Variants in SEL1L3 observed in about 807,000 individuals in gnomAD.
The protein encoded by SEL1L3 is SEL1L family member 3.
SEL1L3 carries 76 observed loss-of-function variants against 142.8 expected under a neutral mutation model. The observed-to-expected ratio is 0.53, with a 90% CI of 0.44 to 0.64. SEL1L3 has a LOEUF of 0.64. SEL1L3 is among the 30% of genes least tolerant of loss of function. The pLI is 0.00. For synonymous variants in SEL1L3, 504 were observed against 519.6 expected (o/e 0.97, Z 0.41); for missense variants, 1,262 against 1,381.7 (o/e 0.91, Z 1.37).
chr4:25,770,128 TA>T (rs756135920), intron 17 of SEL1L3: 98 of 151,158 alleles, frequency 6.5e-4, no homozygotes, highest in Non-Finnish European at 8.9e-4. Context: ...ATTCTGTCTC[TA>T]AAAAAAAAGA....
intron 1 of SEL1L3, among the ~76,000 whole-genome samples, chr4:25,862,330 T>A: frequency 9.9e-6 from 1 of 100,942 alleles, no homozygotes; most frequent in Admixed American, 1.1e-4. Flanking sequence ...TGCTGGAGAC[T>A]GCGCGCGGCG....
At chr4:25,715,444 G>A in the SEL1L3 span, among the ~76,000 whole-genome samples, 385 of 152,252 alleles carry the variant, frequency 2.5e-3, 3 homozygotes, top group African/African-American at 8.8e-3. Flanking sequence ...ATTGTCCATG[G>A]TAGAGGAAAT....
the SEL1L3 span, among the ~76,000 whole-genome samples, chr4:25,740,573 G>A: frequency 1.1e-4 from 17 of 152,220 alleles, no homozygotes; most frequent in African/African-American, 4.1e-4. Context: ...AAACAGTGCT[G>A]TTTGCATCAC....
At position 25,788,618 on chromosome 4, in the gene SEL1L3, G is replaced by A. The variant is rs1384806482; in HGVS notation, c.2077-254C>T. Among the ~76,000 whole-genome samples the A allele has an allele frequency of 7.9e-6, 1 of 126,054 alleles. No individual in the cohort carries two copies. The highest frequency in any genetic ancestry group is 3.1e-5 in the African/African-American group (1 of 32,336). 82.7% of individuals were successfully genotyped at this position (126,054 alleles called of 152,430 possible). A position where few individuals can be genotyped will look rare whatever the true frequency, so the allele number is the denominator to read the frequency against. On this transcript the variant is annotated intron_variant, in intron 12 of 23. Transcript: ENST00000399878. This position sits in a 1 kb window ranked among gnomAD's most constrained non-coding sequence, Gnocchi z 5.3. ...TGTGTGTGTGTGTGTGTGTGTGTGTGTGTATCTACTGTACCCAGGACCAGG... is the reference window on the plus strand; with the variant it reads ...TGTGTGTGTGTGTGTGTGTGTGTGTATGTATCTACTGTACCCAGGACCAGG...
chr4:25,773,137 AG>A (rs1051604116), intron 17 of SEL1L3, among the ~76,000 whole-genome samples: 2 of 152,236 alleles, frequency 1.3e-5, no homozygotes, highest in Admixed American at 1.3e-4. Context: ...AGTAAAAAAA[AG>A]CAGTTGAAGA....
At position 25,835,234 on chromosome 4, in the gene SEL1L3, GCT is replaced by G. The variant is rs774675897; in HGVS notation, c.821_822del (p.Glu274AlafsTer38). The G allele has an allele frequency of 8.7e-6, 14 of 1,613,882 alleles. No homozygotes were observed. Among genetic ancestry groups the G allele is most frequent in the African/African-American group, 1.3e-5 (1 of 74,918 alleles). On this transcript the variant is annotated frameshift_variant, in exon 3 of 24. Coordinates refer to ENST00000399878, the MANE Select transcript of SEL1L3 (RefSeq NM_015187.5). LOFTEE classifies it high-confidence loss of function. ...ATCCTCTGGCGTCGAGTGGCCTCCAGCTCTCGGTTCCGAAACCTCGGGAACTT... is the reference window on the plus strand; with the variant it reads ...ATCCTCTGGCGTCGAGTGGCCTCCAGCTCGGTTCCGAAACCTCGGGAACTT... ...VKKFPRFRNR[E>X]LEATRRQRMD...
intron 1 of SEL1L3, among the ~76,000 whole-genome samples, chr4:25,859,478 C>A (rs188960408): frequency 2.0e-5 from 3 of 152,296 alleles, no homozygotes; most frequent in Admixed American, 2.0e-4. Context: ...TTACTCCGTC[C>A]CAGCCTATGG....
the SEL1L3 span, among the ~76,000 whole-genome samples, chr4:25,728,288 AT>A: frequency 6.6e-6 from 1 of 152,106 alleles, no homozygotes; most frequent in Admixed American, 6.6e-5. Context: ...TGGTGGCCAC[AT>A]TCTCTGGCTT....
chr4:25,861,038 C>A (rs1191016389), intron 1 of SEL1L3, among the ~76,000 whole-genome samples: 1 of 152,216 alleles, frequency 6.6e-6, no homozygotes, highest in Non-Finnish European at 1.5e-5. Context: ...CAGAAGTAGT[C>A]CCCCTCCTTG....
At chr4:25,731,825 C>T in the SEL1L3 span, among the ~76,000 whole-genome samples, 1 of 152,108 alleles carries the variant, frequency 6.6e-6, no homozygotes, top group Non-Finnish European at 1.5e-5. Context: ...GTAATCCCAG[C>T]CCTTTGGGAG....
intron 2 of SEL1L3, 27 bp downstream of exon 2, chr4:25,847,267 A>T: frequency 6.4e-7 from 1 of 1,558,488 alleles, no homozygotes; most frequent in Non-Finnish European, 8.7e-7. Flanking sequence ...AATGAGAATT[A>T]GGTTCCTAGC....
intron 1 of SEL1L3, among the ~76,000 whole-genome samples, chr4:25,854,301 T>G (rs1717096192): frequency 1.3e-5 from 2 of 152,038 alleles, no homozygotes; most frequent in Non-Finnish European, 2.9e-5. Flanking sequence ...TTTTTGAGAC[T>G]GAGTCTCCCT....
chr4:25,821,698 T>A (rs890356711), intron 7 of SEL1L3, among the ~76,000 whole-genome samples: 3 of 152,268 alleles, frequency 2.0e-5, no homozygotes, highest in Non-Finnish European at 2.9e-5. Flanking sequence ...TCTCCTTTCA[T>A]TAGCTTAATC....
At chr4:25,775,434 CAG>C (rs931370588) in intron 17 of SEL1L3, among the ~76,000 whole-genome samples, 4 of 152,186 alleles carry the variant, frequency 2.6e-5, no homozygotes, top group Non-Finnish European at 5.9e-5. Context: ...AGGTTCAAAT[CAG>C]AGTATGATCA....
intron 15 of SEL1L3, among the ~76,000 whole-genome samples, chr4:25,780,220 T>C (rs1164454437): frequency 1.3e-5 from 2 of 152,032 alleles, no homozygotes; most frequent in South Asian, 2.1e-4. Context: ...TCCAAATACA[T>C]GTAGAACCCA....
intron 5 of SEL1L3, among the ~76,000 whole-genome samples, chr4:25,831,585 G>A (rs1715450391): frequency 6.7e-6 from 1 of 150,014 alleles, no homozygotes; most frequent in Non-Finnish European, 1.5e-5. Flanking sequence ...GAGTGCAGGG[G>A]CGCCATCTTA....
intron 11 of SEL1L3, among the ~76,000 whole-genome samples, chr4:25,798,138 A>G (rs1465107460): frequency 6.6e-6 from 1 of 152,160 alleles, no homozygotes; most frequent in Non-Finnish European, 1.5e-5. Flanking sequence ...AGAACGTCTC[A>G]TACGGCATCC....
At chr4:25,836,051 G>A (rs1715796769) in intron 2 of SEL1L3, among the ~76,000 whole-genome samples, 1 of 151,948 alleles carries the variant, frequency 6.6e-6, no homozygotes. Flanking sequence ...TAAAATTGCA[G>A]TTTTTTTTCT....
At chr4:25,821,463 G>A (rs190864899) in intron 7 of SEL1L3, among the ~76,000 whole-genome samples, 5 of 152,306 alleles carry the variant, frequency 3.3e-5, no homozygotes, top group African/African-American at 1.2e-4. Context: ...AGTTCCATTC[G>A]GGGGCGGGTT....
Sources: gnomAD v4.1 joint callset for allele counts (sites outside exome capture counted in the v4.1 genomes callset) on GRCh38, gnomAD v4.1.1 for gene constraint, Gnocchi (gnomAD v3.1) non-coding constraint, MANE v1.5 for transcripts, NCBI Gene and HGNC (gene_info 2026-07-23, HGNC 2026-07-21) for gene names.